Variants in GRIP1 observed in about 807,000 individuals in gnomAD.
GRIP1 encodes the protein glutamate receptor interacting protein 1.
In GRIP1, 45 loss-of-function variants were observed where a neutral mutation model predicts 129.9. That is an observed-to-expected ratio of 0.35 (90% CI 0.27 to 0.44). GRIP1 has a LOEUF of 0.44. GRIP1 is among the 20% of genes least tolerant of loss of function. GRIP1 has a pLI of 1.00. For synonymous variants in GRIP1, 530 were observed against 520.8 expected (o/e 1.02, Z -0.24); for missense variants, 1,196 against 1,396.8 (o/e 0.86, Z 2.29).
intron 1 of GRIP1, among the ~76,000 whole-genome samples, chr12:66,660,919 G>A (rs59083726): frequency 0.017 from 2,511 of 151,824 alleles, 65 homozygotes; most frequent in African/African-American, 0.057. Flanking sequence ...ATGTATACAT[G>A]TGTATTACAT....
At chr12:66,514,777 C>T (rs2060796576) in intron 7 of GRIP1, among the ~76,000 whole-genome samples, 1 of 152,076 alleles carries the variant, frequency 6.6e-6, no homozygotes, top group East Asian at 1.9e-4. Context: ...ATGAGTCATA[C>T]AGTGTGAGAA....
At chr12:67,023,781 A>C (rs913995901) in intron 1 of GRIP1, among the ~76,000 whole-genome samples, 4 of 152,102 alleles carry the variant, frequency 2.6e-5, no homozygotes, top group African/African-American at 9.7e-5. Flanking sequence ...CCAATGCCCC[A>C]GGCTCCAGCG....
chr12:66,914,577 A>G (rs1030737301), intron 1 of GRIP1, among the ~76,000 whole-genome samples: 2 of 152,202 alleles, frequency 1.3e-5, no homozygotes, highest in African/African-American at 2.4e-5. Context: ...GGTTTTAAGA[A>G]AGCATATCAG....
chr12:66,967,641 A>G (rs1030070947), intron 1 of GRIP1, among the ~76,000 whole-genome samples: 8 of 152,146 alleles, frequency 5.3e-5, no homozygotes, highest in Non-Finnish European at 1.2e-4. Flanking sequence ...CCTCCCAAGT[A>G]GCTGAGACTA....
At chr12:66,812,036 GC>G (rs2039114214) in intron 1 of GRIP1, among the ~76,000 whole-genome samples, 2 of 152,116 alleles carry the variant, frequency 1.3e-5, no homozygotes, top group African/African-American at 4.8e-5. Flanking sequence ...TGGGTTAATA[GC>G]AAGTATTTTA....
chr12:66,967,188 T>C (rs2042010475), intron 1 of GRIP1, among the ~76,000 whole-genome samples: 1 of 152,208 alleles, frequency 6.6e-6, no homozygotes, highest in African/African-American at 2.4e-5. Flanking sequence ...TTGCTTTTAA[T>C]TGACAAATAA....
intron 1 of GRIP1, among the ~76,000 whole-genome samples, chr12:66,821,362 C>T (rs886106479): frequency 3.9e-5 from 6 of 152,138 alleles, no homozygotes; most frequent in African/African-American, 1.4e-4. Flanking sequence ...ATGTGGAAAG[C>T]TATGGATGAC....
At chr12:66,475,295 T>C (rs979614706) in intron 7 of GRIP1, among the ~76,000 whole-genome samples, 1 of 152,206 alleles carries the variant, frequency 6.6e-6, no homozygotes, top group South Asian at 2.1e-4. Context: ...TAAATATATA[T>C]GCACCCAATA....
intron 23 of GRIP1, among the ~76,000 whole-genome samples, chr12:66,359,999 A>G (rs570705074): frequency 1.3e-5 from 2 of 152,284 alleles, no homozygotes; most frequent in East Asian, 3.9e-4. Context: ...ACTTTCTTAC[A>G]TATGATTGCT....
chr12:66,406,335 C>A lies in GRIP1; in HGVS notation c.1932G>T (p.Gln644His). The A allele has an allele frequency of 1.2e-6, 2 of 1,614,022 alleles. No homozygotes were observed. Among genetic ancestry groups the A allele is most frequent in the Non-Finnish European group, 1.7e-6 (2 of 1,179,888 alleles). Reference sequence around the variant, plus strand: ...TGAGCTTCACCAGGTCTTCACATTGCTGGAGGATCTGAACTGCATCTTCCA... The same window carrying A: ...TGAGCTTCACCAGGTCTTCACATTGATGGAGGATCTGAACTGCATCTTCCA... The part of the protein sequence containing the change: ...CSMEDAVQIL[Q>H]QCEDLVKLKI... The change falls in exon 16 of 25, where the codon CAG becomes CAT. Residue 644 changes from glutamine (Q) to histidine (H), a missense_variant. This residue lies in a region of GRIP1 where 508 missense variants were observed against 587.0 expected (regional missense o/e 0.87). Transcript: ENST00000359742.
At chr12:66,925,912 G>A (rs927931286) in intron 1 of GRIP1, among the ~76,000 whole-genome samples, 2 of 152,168 alleles carry the variant, frequency 1.3e-5, no homozygotes, top group African/African-American at 2.4e-5. Context: ...CCAAAGTGCT[G>A]GGATTATAGG....
intron 1 of GRIP1, among the ~76,000 whole-genome samples, chr12:66,961,605 AT>A (rs1167464100): frequency 2.5e-4 from 37 of 149,790 alleles, no homozygotes; most frequent in African/African-American, 4.6e-4. Context: ...GTTCAGAAGG[AT>A]TTTTTTTTTG....
intron 1 of GRIP1, among the ~76,000 whole-genome samples, chr12:66,885,030 A>C (rs1352054858): frequency 6.6e-6 from 1 of 152,182 alleles, no homozygotes; most frequent in Non-Finnish European, 1.5e-5. Flanking sequence ...GCTGAACTCC[A>C]AAGATATTAT....
intron 4 of GRIP1, among the ~76,000 whole-genome samples, chr12:66,536,995 T>A (rs1294401245): frequency 2.0e-5 from 3 of 152,052 alleles, no homozygotes; most frequent in Non-Finnish European, 4.4e-5. Flanking sequence ...CAGTCATATA[T>A]CAGTATACCT....
At chr12:66,880,768 A>G (rs1310832485) in intron 1 of GRIP1, among the ~76,000 whole-genome samples, 1 of 152,162 alleles carries the variant, frequency 6.6e-6, no homozygotes, top group African/African-American at 2.4e-5. Flanking sequence ...ATGAATCCCC[A>G]AAGACTGCTG....
chr12:66,477,599 G>A (rs1448758641), intron 7 of GRIP1, among the ~76,000 whole-genome samples: 1 of 152,080 alleles, frequency 6.6e-6, no homozygotes, highest in East Asian at 1.9e-4. Flanking sequence ...GAACAAAGCT[G>A]GAGGCATCAC....
intron 2 of GRIP1, among the ~76,000 whole-genome samples, chr12:66,589,438 T>C (rs925701827): frequency 6.6e-6 from 1 of 152,180 alleles, no homozygotes; most frequent in Non-Finnish European, 1.5e-5. Flanking sequence ...AACAACTACT[T>C]ACTGACTACT....
chr12:66,914,689 T>G (rs1592949721), intron 1 of GRIP1, among the ~76,000 whole-genome samples: 1 of 152,154 alleles, frequency 6.6e-6, no homozygotes, highest in African/African-American at 2.4e-5. Flanking sequence ...GTTTCTCTGG[T>G]GAGGGGTTTG....
At chr12:66,387,907 C>A (rs2056422372) in intron 19 of GRIP1, among the ~76,000 whole-genome samples, 1 of 152,132 alleles carries the variant, frequency 6.6e-6, no homozygotes, top group East Asian at 1.9e-4. Flanking sequence ...ACTCTGACTG[C>A]ACATGTTGGT....
Sources: allele counts gnomAD v4.1 joint callset (sites outside exome capture counted in the v4.1 genomes callset), GRCh38; gene constraint gnomAD v4.1.1; regional missense constraint gnomAD v4.1.1; transcripts MANE v1.5; gene names NCBI Gene and HGNC (gene_info 2026-07-23, HGNC 2026-07-21).